The following RFX1 variants were observed in gnomAD, a reference collection of about 807,000 sequenced individuals.
The protein encoded by RFX1 is regulatory factor X1, also known as MHC class II regulatory factor RFX1.
A neutral mutation model predicts 119.6 loss-of-function variants in RFX1; 42 were observed. The ratio of observed to expected loss-of-function variants is 0.35; its 90% CI spans 0.27 to 0.45. The LOEUF (loss-of-function observed/expected upper bound fraction) is 0.45. Ranked by LOEUF, RFX1 falls within the 20% of genes least tolerant of loss-of-function variation. The pLI, the probability that RFX1 is intolerant of heterozygous loss-of-function variation, is 1.00. For missense variants in RFX1, 1,118 were observed against 1,368.1 expected, an observed-to-expected ratio of 0.82 and a Z score of 2.88; for synonymous variants, 628 against 618.5, an observed-to-expected ratio of 1.02 and a Z score of -0.23.
At chr19:13,984,417 C>A (rs1489750982) in intron 2 of RFX1, among the ~76,000 whole-genome samples, 1 of 152,154 alleles carries the variant, frequency 6.6e-6, no homozygotes, top group Non-Finnish European at 1.5e-5. Context: ...CAAAGCGGGG[C>A]CTTCGCGGGG....
In RFX1 at chr19:13,993,521, T is replaced by C. The variant is rs1378380657; in HGVS notation, c.319+4A>G. The C allele has an allele frequency of 6.2e-7, 1 of 1,610,456 alleles. No individual in the cohort carries two copies. The highest frequency in any genetic ancestry group is 8.5e-7 in the Non-Finnish European group (1 of 1,178,326). On this transcript the variant is annotated splice_donor_region_variant and intron_variant, in intron 2 of 20. Transcript: ENST00000254325. ...TTTTCAGGACACACGAGCGCGGCAC[T>C]TACCAGAGACAGTGACCACGATGTA...
chr19:13,970,661 C>CAAAAAAAAAAAAAA (rs1167910642), intron 9 of RFX1, among the ~76,000 whole-genome samples: 1 of 25,822 alleles, frequency 3.9e-5, no homozygotes, highest in Non-Finnish European at 7.6e-5. Context: ...GACCTTGTCT[C>CAAAAAAAAAAAAAA]AAAAAAAAAA....
At chr19:14,004,547 T>C (rs1478509557) in intron 1 of RFX1, among the ~76,000 whole-genome samples, 2 of 152,034 alleles carry the variant, frequency 1.3e-5, no homozygotes. Flanking sequence ...CAACTTGGCA[T>C]TTCTAGCTTT....
Position 13,973,233 on chromosome 19 carries a change from G to T in RFX1, c.930-106C>A, listed in dbSNP as rs1974148464. ...GTCCTAGGAGGGGACTGGGGAAGCA[G>T]CAGCTCCCCTGCAGCAAGGAGCAGA... On this transcript the variant is annotated intron_variant, in intron 8 of 20. Transcript: ENST00000254325. 3.6e-5 allele frequency: 29 copies of T among 813,470 alleles called. No homozygotes were observed. In the South Asian group the frequency reaches 4.4e-4, roughly 12 times the overall value. The allele number at this position is 813,470 out of a possible 1,614,324, so 50.4% of individuals were successfully genotyped here.
chr19:13,971,983 C>T (rs557274739), intron 9 of RFX1, among the ~76,000 whole-genome samples: 8 of 152,000 alleles, frequency 5.3e-5, no homozygotes, highest in East Asian at 3.9e-4. Context: ...TTCAGCCTGG[C>T]GACAGAGCAA....
At chr19:13,976,460 G>A (rs983743273) in intron 8 of RFX1, among the ~76,000 whole-genome samples, 1 of 152,232 alleles carries the variant, frequency 6.6e-6, no homozygotes, top group Admixed American at 6.5e-5. Context: ...GGACTGAAGC[G>A]GGGCCAGGAC....
At position 13,966,445 on chromosome 19, in the gene RFX1, G is replaced by A; in HGVS notation, c.1937C>T (p.Pro646Leu). The change falls in exon 14 of 21, where the codon CCC becomes CTC. Residue 646 changes from proline to leucine, a missense_variant. Pro to Leu is a moderately conservative substitution (Grantham distance 98, BLOSUM62 -3). Around this residue, in one of 5 missense-constraint regions of RFX1, gnomAD observed 338 missense variants for 508.9 expected, o/e 0.66. Coordinates refer to ENST00000254325, the MANE Select transcript of RFX1 (RefSeq NM_002918.5). This position sits in a 1 kb window ranked among gnomAD's most constrained non-coding sequence, Gnocchi z 6.3. ...CACAGCCAGCGGTGGCGCCTCACTG[G>A]GCTGGCTGAGGTTGTACCTCCAGAA... ...KTFWRYNLSQ[P>L]SEAPPLAVHD... is the part of the protein sequence containing the mutation. 1.9e-6 allele frequency: 3 copies of A among 1,610,654 alleles called. No individual in the cohort carries two copies. Among genetic ancestry groups the A allele is most frequent in the Non-Finnish European group, 2.5e-6 (3 of 1,178,386 alleles).
In RFX1 at chr19:13,993,785, TGTGGCGGCTGGGATG is replaced by T; in HGVS notation, c.44_58del (p.Pro15_Pro19del). 1.3e-6 allele frequency: 2 copies of T among 1,577,590 alleles called. No homozygotes were observed. The highest frequency in any genetic ancestry group is 3.6e-5 in the Admixed American group (2 of 56,140). On this transcript the variant is annotated inframe_deletion, in exon 2 of 21. Coordinates refer to ENST00000254325, the MANE Select transcript of RFX1 (RefSeq NM_002918.5). ...CTGGGGCTGGGCTTGTGGCGGGGCC[TGTGGCGGCTGGGATG>T]GTGGCGGGGCTGCCTGTAGCTCAGT...
intron 4 of RFX1, among the ~76,000 whole-genome samples, chr19:13,982,683 A>G (rs1169176957): frequency 6.6e-6 from 1 of 152,214 alleles, no homozygotes; most frequent in Admixed American, 6.5e-5. Context: ...GCACACCTGT[A>G]GTCTCAGCTA....
At position 13,962,839 on chromosome 19, in the gene RFX1, C is replaced by T. The variant is rs1973745575; in HGVS notation, c.2796G>A (p.Glu932=). ...DKDEEEEEEE[E]SEDELPQDIS... is the part of the protein sequence containing the mutation. ...TGTCCTGCGGCAGCTCGTCCTCGCT[C>T]TCCTCCTCCTCTTCTTCCTCCTCGT... Residue 932 remains glutamate, a synonymous_variant, in exon 21 of 21, where the codon GAG becomes GAA. Coordinates refer to ENST00000254325, the MANE Select transcript of RFX1 (RefSeq NM_002918.5). 1.3e-6 allele frequency: 2 copies of T among 1,527,126 alleles called. No individual in the cohort carries two copies. The highest frequency in any genetic ancestry group is 2.5e-5 in the East Asian group (1 of 40,684). The allele number at this position is 1,527,126 out of a possible 1,614,324, so 94.6% of individuals were successfully genotyped here.
chr19:13,994,473 T>G (rs1974918396), intron 1 of RFX1, among the ~76,000 whole-genome samples: 2 of 152,114 alleles, frequency 1.3e-5, no homozygotes, highest in South Asian at 4.1e-4. Context: ...TCCAGCACTT[T>G]GGGAGGCCGA....
At position 13,965,720 on chromosome 19, in the gene RFX1, G is replaced by A. The variant is rs761198982; in HGVS notation, c.2019C>T (p.Phe673=). Residue 673 remains phenylalanine, a synonymous_variant, in exon 15 of 21, where the codon TTC becomes TTT. Transcript: ENST00000254325. This position sits in a 1 kb window ranked among gnomAD's most constrained non-coding sequence, Gnocchi z 4.7. ...GCTTGGTCCATTGGAGCACGGGCTC[G>A]AACTTGGAGAGGAGCACCAGGATGG... ...PKAILVLLSK[F]EPVLQWTKHC... is the part of the protein sequence containing the mutation. 5.8e-5 allele frequency: 94 copies of A among 1,613,792 alleles called. No individual in the cohort carries two copies. In the South Asian group the frequency reaches 5.9e-4, roughly 10 times the overall value.
chr19:13,963,788 C>T (rs1250290513), intron 17 of RFX1, 42 bp from the exon 18 acceptor site: 3 of 1,498,816 alleles, frequency 2.0e-6, no homozygotes, highest in Admixed American at 2.2e-5. Context: ...GCTCAGCCGC[C>T]GTCACCCCCG....
Position 13,965,599 on chromosome 19 carries a change from G to C in RFX1, c.2113+27C>G. ...GGCAGGGCGGGTGTATGTGGGGCAG[G>C]GGATGCCGAGCAGGCCGAGCACTCA... On this transcript the variant is annotated intron_variant, in intron 15 of 20. Transcript: ENST00000254325. This position sits in a 1 kb window ranked among gnomAD's most constrained non-coding sequence, Gnocchi z 4.7. The C allele has an allele frequency of 6.2e-7, 1 of 1,612,562 alleles. No individual in the cohort carries two copies.
intron 9 of RFX1, among the ~76,000 whole-genome samples, chr19:13,970,580 C>T (rs1974046396): frequency 7.0e-6 from 1 of 142,662 alleles, no homozygotes; most frequent in African/African-American, 2.6e-5. Context: ...CAAGAGGATC[C>T]CTTCAGCTCA....
chr19:13,977,590 T>A (rs970167266), intron 8 of RFX1, among the ~76,000 whole-genome samples: 1 of 152,074 alleles, frequency 6.6e-6, no homozygotes, highest in Non-Finnish European at 1.5e-5. Context: ...CTAACTTTTG[T>A]ATTTTTAGTA....
At chr19:13,972,523 G>A (rs73517677) in intron 9 of RFX1, among the ~76,000 whole-genome samples, 7 of 152,116 alleles carry the variant, frequency 4.6e-5, no homozygotes, top group Non-Finnish European at 8.8e-5. Flanking sequence ...GTAGTATTGT[G>A]TTAAGAATTT....
At chr19:13,962,886 C>T (rs773868586) in intron 20 of RFX1, 22 bp from the exon 21 acceptor site, 2 of 1,532,698 alleles carry the variant, frequency 1.3e-6, no homozygotes, top group Non-Finnish European at 1.8e-6. Flanking sequence ...GGACCAAGTC[C>T]GGCTCGGGGC....
chr19:13,979,522 A>G lies in RFX1; in HGVS notation c.759T>C (p.Thr253=). Residue 253 remains threonine (T), a synonymous_variant, in exon 7 of 21, where the codon ACT becomes ACC. Transcript: ENST00000254325. ...CCGGGCCGGGTTTGGGCGCTTGTGG[A>G]GTGGCCTGGACCACAGATCTCTGGG... ...VTQERSVVQA[T]PQAPKPGPVQ... is the part of the protein sequence containing the mutation. 1 of 1,602,638 alleles carries G rather than the reference A, an allele frequency of 6.2e-7. No homozygotes were observed. Among genetic ancestry groups the G allele is most frequent in the South Asian group, 1.1e-5 (1 of 89,790 alleles).
Sources: allele counts gnomAD v4.1 joint callset (sites outside exome capture counted in the v4.1 genomes callset), GRCh38; gene constraint gnomAD v4.1.1; regional missense constraint gnomAD v4.1.1; non-coding constraint Gnocchi (gnomAD v3.1); transcripts MANE v1.5; gene names NCBI Gene and HGNC (gene_info 2026-07-23, HGNC 2026-07-21).